PID1: variants seen among roughly 807,000 people sequenced by gnomAD.
PID1 encodes the protein PTB-containing, cubilin and LRP1-interacting protein.
PID1 carries 10 observed loss-of-function variants against 19.1 expected under a neutral mutation model. The ratio of observed to expected loss-of-function variants is 0.52; its 90% CI spans 0.32 to 0.89. PID1 has a LOEUF of 0.89. Among genes scored for constraint, PID1 ranks in the 40% least tolerant of loss-of-function variants. The probability of loss-of-function intolerance (pLI) is 0.03; values close to 1 mark genes in which losing one functional copy is unlikely to be tolerated. For missense variants in PID1, 248 were observed against 285.3 expected (o/e 0.87, Z 0.94); for synonymous variants, 130 against 116.0 (o/e 1.12, Z -0.78).
In PID1 at chr2:229,183,878, CTA is replaced by C. The variant is rs148369137; in HGVS notation, c.31-27916_31-27915del. On this transcript the variant is annotated intron_variant, in intron 1 of 2. Transcript: ENST00000392055. ...CTCTCTCTCCTCACTCTCTCTCTTT[CTA>C]TATATATATATATATATATATATAT... is the stretch of plus-strand genomic sequence containing the variant. 1.6e-4 allele frequency among the ~76,000 whole-genome samples: 3 copies of C among 18,712 alleles called. 1 individual carries two copies. Among genetic ancestry groups the C allele is most frequent in the African/African-American group, 4.0e-4 (1 of 2,486 alleles). The allele number at this position is 18,712 out of a possible 152,430, so 12.3% of individuals were successfully genotyped here.
chr2:229,089,040 T>C (rs1372376372), intron 2 of PID1, among the ~76,000 whole-genome samples: 2 of 152,186 alleles, frequency 1.3e-5, no homozygotes, highest in African/African-American at 4.8e-5. Context: ...AACTTCACAT[T>C]GGCAACCAGA....
intron 2 of PID1, among the ~76,000 whole-genome samples, chr2:229,056,496 C>A (rs576181829): frequency 3.3e-5 from 5 of 151,998 alleles, no homozygotes; most frequent in African/African-American, 1.2e-4. Context: ...CCCTAACATG[C>A]TAAATGTAGC....
chr2:229,089,685 T>C (rs1454136019), intron 2 of PID1, among the ~76,000 whole-genome samples: 1 of 152,188 alleles, frequency 6.6e-6, no homozygotes, highest in Admixed American at 6.5e-5. Context: ...CATGATACAC[T>C]TAATACTGGA....
intron 2 of PID1, among the ~76,000 whole-genome samples, chr2:229,121,983 A>C (rs1695532842): frequency 6.6e-6 from 1 of 152,148 alleles, no homozygotes; most frequent in South Asian, 2.1e-4. Context: ...TCAGAGAAGA[A>C]GTCTGCGAAA....
intron 2 of PID1, among the ~76,000 whole-genome samples, chr2:229,137,697 G>C (rs1321083725): frequency 9.9e-5 from 15 of 152,192 alleles, no homozygotes; most frequent in Admixed American, 9.8e-4. Context: ...GAAGTGCACA[G>C]AATAGGTGAA....
At chr2:229,039,998 C>T (rs937047741) in intron 2 of PID1, among the ~76,000 whole-genome samples, 4 of 151,808 alleles carry the variant, frequency 2.6e-5, no homozygotes, top group Admixed American at 6.6e-5. Flanking sequence ...AATGCTCATA[C>T]CAAATAAAGC....
intron 2 of PID1, among the ~76,000 whole-genome samples, chr2:229,128,645 T>TA (rs775240521): frequency 1.4e-4 from 21 of 152,144 alleles, no homozygotes; most frequent in Non-Finnish European, 2.2e-4. Flanking sequence ...ATTTTTAAGC[T>TA]AAAAAAAATC....
chr2:229,189,248 C>A (rs1469005816), intron 1 of PID1, among the ~76,000 whole-genome samples: 1 of 152,170 alleles, frequency 6.6e-6, no homozygotes, highest in Non-Finnish European at 1.5e-5. Context: ...CTGCACCCAA[C>A]CCTAAGTCAC....
intron 1 of PID1, among the ~76,000 whole-genome samples, chr2:229,177,207 T>C (rs1234453645): frequency 6.6e-6 from 1 of 152,164 alleles, no homozygotes; most frequent in Non-Finnish European, 1.5e-5. Flanking sequence ...CACGTGGGAA[T>C]GGTAGGAGTT....
intron 2 of PID1, among the ~76,000 whole-genome samples, chr2:229,103,943 C>A (rs564050937): frequency 7.9e-5 from 12 of 152,302 alleles, no homozygotes; most frequent in African/African-American, 2.9e-4. Context: ...CTCTCCACTG[C>A]CCATGTTTGG....
At chr2:229,094,967 T>C (rs1425711329) in intron 2 of PID1, among the ~76,000 whole-genome samples, 6 of 152,168 alleles carry the variant, frequency 3.9e-5, no homozygotes, top group Non-Finnish European at 1.5e-5. Flanking sequence ...GTTACATGTA[T>C]TATCCCCACC....
intron 1 of PID1, among the ~76,000 whole-genome samples, chr2:229,252,929 C>T (rs1690192172): frequency 6.6e-6 from 1 of 152,136 alleles, no homozygotes; most frequent in South Asian, 2.1e-4. Flanking sequence ...CTAACTAATG[C>T]CAGATGAACT....
At position 229,232,063 on chromosome 2, in the gene PID1, G is replaced by A. The variant is rs141167568; in HGVS notation, c.30+38951C>T. ...AGGGGCAGGCTGAACATGGCACGAAGCCTCTTGTACAAGGCTTTTCATTCC... is the reference window on the plus strand; with the variant it reads ...AGGGGCAGGCTGAACATGGCACGAAACCTCTTGTACAAGGCTTTTCATTCC... On this transcript the variant is annotated intron_variant, in intron 1 of 2. Transcript: ENST00000392055. The A allele has an allele frequency of 4.0e-4, 619 of 1,537,570 alleles. 3 individuals carry two copies. In the African/African-American group the frequency reaches 7.8e-3, roughly 19 times the overall value.
At chr2:229,156,915 C>T (rs939680493) in intron 1 of PID1, among the ~76,000 whole-genome samples, 1 of 152,210 alleles carries the variant, frequency 6.6e-6, no homozygotes, top group Non-Finnish European at 1.5e-5. Context: ...AAACCAAAGA[C>T]ACTTGTGCCT....
chr2:229,114,705 T>A (rs1311254862), intron 2 of PID1, among the ~76,000 whole-genome samples: 1 of 152,182 alleles, frequency 6.6e-6, no homozygotes, highest in Non-Finnish European at 1.5e-5. Context: ...TACCCTCCTC[T>A]TGAGTTTCTA....
intron 1 of PID1, among the ~76,000 whole-genome samples, chr2:229,230,773 G>A (rs1238374228): frequency 1.3e-5 from 2 of 151,962 alleles, no homozygotes; most frequent in East Asian, 3.9e-4. Flanking sequence ...AATTTCCAAA[G>A]GGACATATTT....
Position 229,271,061 on chromosome 2 carries a change from T to C in PID1, c.-18A>G, listed in dbSNP as rs1397486995. The C allele has an allele frequency of 1.9e-6, 3 of 1,543,450 alleles. No individual in the cohort carries two copies. The Admixed American group carries it at 5.9e-5, about 31-fold the overall frequency. ...TGCCACATCTTCCAGCCCTGGGTTT[T>C]GGCAGAGGAGACGCTGGCGAGACTG... On this transcript the variant is annotated 5_prime_UTR_variant, in exon 1 of 3. Transcript: ENST00000392055.
At chr2:229,041,705 A>G (rs12463741) in intron 2 of PID1, among the ~76,000 whole-genome samples, 39,959 of 152,068 alleles carry the variant, frequency 0.26, 6,020 homozygotes, top group East Asian at 0.45. Flanking sequence ...AACACACCCC[A>G]TCACAACTAA....
At chr2:229,157,954 C>T (rs1188259798) in intron 1 of PID1, among the ~76,000 whole-genome samples, 1 of 145,718 alleles carries the variant, frequency 6.9e-6, no homozygotes, top group Non-Finnish European at 1.5e-5. Flanking sequence ...AGAAAGTGCA[C>T]GTATCAAGAA....
Sources: allele counts gnomAD v4.1 joint callset (sites outside exome capture counted in the v4.1 genomes callset), GRCh38; gene constraint gnomAD v4.1.1; transcripts MANE v1.5; gene names NCBI Gene and HGNC (gene_info 2026-07-23, HGNC 2026-07-21).